The following C8orf34 variants were observed in gnomAD, a reference collection of about 807,000 sequenced individuals.
C8orf34 encodes uncharacterized protein C8orf34.
In C8orf34, 65 loss-of-function variants were observed where a neutral mutation model predicts 68.3. The ratio of observed to expected loss-of-function variants is 0.95; its 90% CI spans 0.78 to 1.17. The LOEUF (loss-of-function observed/expected upper bound fraction) is 1.17. Among genes scored for constraint, C8orf34 ranks in the 50% most tolerant of loss-of-function variants. The pLI is 0.00. For missense variants in C8orf34, 664 were observed against 655.4 expected (o/e 1.01, Z -0.14); for synonymous variants, 244 against 241.2 (o/e 1.01, Z -0.11).
intron 3 of C8orf34, among the ~76,000 whole-genome samples, chr8:68,451,338 T>C (rs1811336226): frequency 6.6e-6 from 1 of 152,144 alleles, no homozygotes; most frequent in African/African-American, 2.4e-5. Flanking sequence ...GAATAGCACT[T>C]ATAATTTTCT....
chr8:68,440,236 T>C (rs973916924), intron 2 of C8orf34, among the ~76,000 whole-genome samples: 1 of 152,222 alleles, frequency 6.6e-6, no homozygotes, highest in African/African-American at 2.4e-5. Context: ...CATTGGTCTG[T>C]TAGTTTGACA....
At chr8:68,405,350 C>T (rs1381580051) in intron 1 of C8orf34, among the ~76,000 whole-genome samples, 3 of 152,172 alleles carry the variant, frequency 2.0e-5, no homozygotes, top group African/African-American at 7.2e-5. Context: ...TCACTGGACT[C>T]ATCTAAGTCC....
intron 7 of C8orf34, among the ~76,000 whole-genome samples, chr8:68,553,521 G>A (rs73268450): frequency 0.2 from 30,702 of 151,628 alleles, 4,130 homozygotes; most frequent in African/African-American, 0.39. Context: ...TTTAAATTGC[G>A]ATTCAATCCC....
intron 1 of C8orf34, among the ~76,000 whole-genome samples, chr8:68,431,941 A>G (rs1001055185): frequency 6.6e-6 from 1 of 152,198 alleles, no homozygotes; most frequent in African/African-American, 2.4e-5. Flanking sequence ...ATAGTATACA[A>G]CAAGGCTAAT....
chr8:68,551,771 T>C (rs1816080056), intron 7 of C8orf34, among the ~76,000 whole-genome samples: 1 of 152,054 alleles, frequency 6.6e-6, no homozygotes, highest in Non-Finnish European at 1.5e-5. Context: ...ATATGTACTC[T>C]CCACTCCCCT....
chr8:68,388,128 T>A (rs1333533660), intron 1 of C8orf34, among the ~76,000 whole-genome samples: 4 of 152,202 alleles, frequency 2.6e-5, no homozygotes, highest in African/African-American at 9.6e-5. Context: ...AAGACCAATT[T>A]TGGTCTTATT....
chr8:68,441,778 T>G (rs558735356), intron 2 of C8orf34, among the ~76,000 whole-genome samples: 1 of 152,214 alleles, frequency 6.6e-6, no homozygotes, highest in African/African-American at 2.4e-5. Context: ...CTTTGCTATA[T>G]TCTACTGTTT....
At chr8:68,331,586 C>G in intron 1 of C8orf34, 1 of 533,516 alleles carries the variant, frequency 1.9e-6, no homozygotes, top group South Asian at 2.0e-5. Flanking sequence ...CCAGCCTCAG[C>G]CTGGCAGGGG....
At chr8:68,810,669 G>T (rs1824622681) in intron 12 of C8orf34, among the ~76,000 whole-genome samples, 1 of 152,154 alleles carries the variant, frequency 6.6e-6, no homozygotes. Context: ...GTAAGGTCAA[G>T]AAGTGCTTTA....
In C8orf34 at chr8:68,488,020, C is replaced by T. The variant is rs750418083; in HGVS notation, c.737-3C>T. 1.3e-6 allele frequency: 2 copies of T among 1,588,154 alleles called. No homozygotes were observed. Among genetic ancestry groups the T allele is most frequent in the African/African-American group, 2.7e-5 (2 of 73,884 alleles). Reference sequence around the variant, plus strand: ...TTTTTTATAAATCTCTTTTAAATCCCAGGTATTGCAATTTCAGATGAACTC... The same window carrying T: ...TTTTTTATAAATCTCTTTTAAATCCTAGGTATTGCAATTTCAGATGAACTC... On this transcript the variant is annotated splice_polypyrimidine_tract_variant and splice_region_variant and intron_variant, in intron 4 of 13. Transcript: ENST00000518698.
chr8:68,616,210 T>C (rs910455469), intron 7 of C8orf34, among the ~76,000 whole-genome samples: 8 of 152,026 alleles, frequency 5.3e-5, no homozygotes, highest in South Asian at 2.1e-4. Flanking sequence ...GCTAGCGGTC[T>C]ATCAATTTTG....
At position 68,396,571 on chromosome 8, in the gene C8orf34, C is replaced by T. The variant is rs372110763; in HGVS notation, c.328-42928C>T. Among the ~76,000 whole-genome samples, 31 of 151,786 alleles carry T rather than the reference C, an allele frequency of 2.0e-4. 1 individual carries two copies. The highest frequency in any genetic ancestry group is 7.2e-4 in the Admixed American group (11 of 15,228). On this transcript the variant is annotated intron_variant, in intron 1 of 13. Transcript: ENST00000518698. The stretch of plus-strand genomic sequence containing the variant: ...TCTGTCCCCTTCCAACCTCCTGTTA[C>T]GATTTGACCCCCAATATTGGAGGTG...
chr8:68,486,684 C>A (rs1469380661), intron 4 of C8orf34, among the ~76,000 whole-genome samples: 1 of 151,722 alleles, frequency 6.6e-6, no homozygotes, highest in African/African-American at 2.4e-5. Flanking sequence ...TCATTTATAC[C>A]CTCCACATCT....
chr8:68,448,868 C>T (rs917912927), intron 3 of C8orf34, among the ~76,000 whole-genome samples: 1 of 151,846 alleles, frequency 6.6e-6, no homozygotes, highest in African/African-American at 2.4e-5. Flanking sequence ...TAATATCAAA[C>T]CAAATAAAAA....
intron 7 of C8orf34, among the ~76,000 whole-genome samples, chr8:68,578,992 C>T (rs1816985439): frequency 6.6e-6 from 1 of 152,102 alleles, no homozygotes; most frequent in East Asian, 1.9e-4. Flanking sequence ...CAACACAGCA[C>T]AACTTATCCA....
intron 7 of C8orf34, chr8:68,625,784 A>G: frequency 2.1e-6 from 1 of 477,276 alleles, no homozygotes; most frequent in Non-Finnish European, 3.7e-6. Context: ...TTTGTCTCCA[A>G]ATTTGATTCT....
chr8:68,435,321 T>C (rs1487230183), intron 1 of C8orf34, among the ~76,000 whole-genome samples: 4 of 152,040 alleles, frequency 2.6e-5, no homozygotes, highest in Non-Finnish European at 5.9e-5. Context: ...TATGTAGCTG[T>C]GCTAAATAGG....
chr8:68,754,380 T>A lies in C8orf34; in HGVS notation c.1405-22019T>A, dbSNP rs548254287. Among the ~76,000 whole-genome samples the A allele has an allele frequency of 9.1e-4, 139 of 152,346 alleles. 1 individual carries two copies. The highest frequency in any genetic ancestry group is 3.2e-3 in the African/African-American group (131 of 41,586). On this transcript the variant is annotated intron_variant, in intron 10 of 13. Transcript: ENST00000518698. Reference sequence around the variant, plus strand: ...CAAAATCTGCTACCAGGAATGAAGTTGACAAGTATGTTCTTTCATGATTAC... The same window carrying A: ...CAAAATCTGCTACCAGGAATGAAGTAGACAAGTATGTTCTTTCATGATTAC...
chr8:68,813,095 T>A (rs1376348732), intron 12 of C8orf34, among the ~76,000 whole-genome samples: 1 of 152,220 alleles, frequency 6.6e-6, no homozygotes, highest in African/African-American at 2.4e-5. Context: ...ACTTGTAGCA[T>A]ATGGCGTTAT....
Sources: gnomAD v4.1 joint callset for allele counts (sites outside exome capture counted in the v4.1 genomes callset) on GRCh38, gnomAD v4.1.1 for gene constraint, MANE v1.5 for transcripts, NCBI Gene and HGNC (gene_info 2026-07-23, HGNC 2026-07-21) for gene names.